DENND4A: variants seen among roughly 807,000 people sequenced by gnomAD.
DENND4A encodes DENN domain containing 4A, also known as C-myc promoter-binding protein.
A neutral mutation model predicts 199.3 loss-of-function variants in DENND4A; 70 were observed. That is an observed-to-expected ratio of 0.35 (90% CI 0.29 to 0.43). The LOEUF (loss-of-function observed/expected upper bound fraction) is 0.43. Among genes scored for constraint, DENND4A ranks in the 20% least tolerant of loss-of-function variants. The probability of loss-of-function intolerance (pLI) is 1.00; values close to 1 mark genes in which losing one functional copy is unlikely to be tolerated. For synonymous variants in DENND4A, 686 were observed against 766.9 expected (o/e 0.89, Z 1.74); for missense variants, 1,723 against 2,255.8 (o/e 0.76, Z 4.78).
chr15:65,689,923 T>C (rs1235875404), intron 23 of DENND4A, among the ~76,000 whole-genome samples: 1 of 152,200 alleles, frequency 6.6e-6, no homozygotes. Flanking sequence ...TCTAGAATCC[T>C]GCCTCTCTGC....
chr15:65,703,332 A>C (rs995700624), intron 15 of DENND4A, among the ~76,000 whole-genome samples: 1 of 152,266 alleles, frequency 6.6e-6, no homozygotes, highest in African/African-American at 2.4e-5. Context: ...CATAGCAAAC[A>C]TATTAGATAA....
chr15:65,786,053 T>C (rs2077558775), intron 1 of DENND4A, among the ~76,000 whole-genome samples: 1 of 152,156 alleles, frequency 6.6e-6, no homozygotes, highest in Non-Finnish European at 1.5e-5. Flanking sequence ...GGGAAAAATA[T>C]TTATATCCTA....
chr15:65,754,853 T>C (rs776113190), intron 3 of DENND4A, among the ~76,000 whole-genome samples: 57 of 152,334 alleles, frequency 3.7e-4, no homozygotes, highest in South Asian at 1.7e-3. Flanking sequence ...TGGCAGTTCC[T>C]TAAAAGATTG....
intron 15 of DENND4A, among the ~76,000 whole-genome samples, chr15:65,704,047 A>G (rs2074964353): frequency 6.6e-6 from 1 of 152,240 alleles, no homozygotes; most frequent in East Asian, 1.9e-4. Flanking sequence ...GTCAAATTCC[A>G]TAGAATAAGA....
chr15:65,668,196 C>T, intron 27 of DENND4A, 73 bp from the exon 28 acceptor site: 3 of 932,144 alleles, frequency 3.2e-6, no homozygotes, highest in Admixed American at 3.5e-5. Context: ...GGATCATGTT[C>T]TCTCTCTCTC....
chr15:65,686,268 T>A (rs1403055788), intron 23 of DENND4A, among the ~76,000 whole-genome samples: 3 of 152,222 alleles, frequency 2.0e-5, no homozygotes, highest in Admixed American at 6.5e-5. Flanking sequence ...TGAGGTTTTT[T>A]AAATAGCCAA....
Position 65,667,303 on chromosome 15 carries a change from C to G in DENND4A, c.5241+146G>C, listed in dbSNP as rs945220929. On this transcript the variant is annotated intron_variant, in intron 29 of 32. Transcript: ENST00000443035. ...CGAGATAGTGCCACTGCACTCCAGC[C>G]TGGCGAAAGAGTGAGACTACGTCTC... 6.8e-5 allele frequency: 67 copies of G among 984,288 alleles called. 1 individual carries two copies. Among genetic ancestry groups the G allele is most frequent in the Non-Finnish European group, 9.1e-5 (63 of 691,940 alleles). 61.0% of individuals were successfully genotyped at this position (984,288 alleles called of 1,614,324 possible).
intron 1 of DENND4A, among the ~76,000 whole-genome samples, chr15:65,788,854 TA>T (rs34831088): frequency 0.41 from 42,174 of 102,290 alleles, 8,201 homozygotes; most frequent in East Asian, 0.72. Context: ...GGACTTGTCT[TA>T]AAAAAAAAAA....
rs568686533 is a variant in DENND4A, at chr15:65,725,181, T to C, written c.1488-2233A>G. On this transcript the variant is annotated intron_variant, in intron 11 of 32. Coordinates refer to ENST00000443035, the MANE Select transcript of DENND4A (RefSeq NM_001320835.1). The stretch of plus-strand genomic sequence containing the variant: ...TTATGAGTAAATGTATATTTACTCA[T>C]GATGACTTCCACTTACAAGATTACT... Among the ~76,000 whole-genome samples, 43 of 152,334 alleles carry C rather than the reference T, an allele frequency of 2.8e-4. No homozygotes were observed. The South Asian group carries it at 8.9e-3, about 32-fold the overall frequency.
chr15:65,726,944 C>T (rs993026015), intron 11 of DENND4A, among the ~76,000 whole-genome samples: 5 of 151,768 alleles, frequency 3.3e-5, no homozygotes, highest in African/African-American at 9.7e-5. Flanking sequence ...GGCAACAGAA[C>T]GAGACATTGT....
At chr15:65,676,393 T>A in intron 24 of DENND4A, 52 bp downstream of exon 24, 1 of 1,377,286 alleles carries the variant, frequency 7.3e-7, no homozygotes, top group Non-Finnish European at 9.7e-7. Flanking sequence ...AGTGTCACAA[T>A]TCAAATGAAA....
At chr15:65,700,442 A>G in intron 20 of DENND4A, 102 bp downstream of exon 20, 1 of 559,496 alleles carries the variant, frequency 1.8e-6, no homozygotes, top group Non-Finnish European at 2.7e-6. Context: ...TTAAAAAGTG[A>G]CAGTTAAACA....
chr15:65,697,462 G>C (rs980855230), intron 20 of DENND4A, 79 bp from the exon 21 acceptor site: 2 of 838,944 alleles, frequency 2.4e-6, no homozygotes, highest in African/African-American at 3.5e-5. Context: ...CAACATACTA[G>C]TGTTTGGATT....
intron 6 of DENND4A, among the ~76,000 whole-genome samples, 187 bp from the exon 7 acceptor site, chr15:65,738,132 T>C (rs1314921722): frequency 6.6e-6 from 1 of 152,196 alleles, no homozygotes; most frequent in African/African-American, 2.4e-5. Flanking sequence ...GCTATTCTCA[T>C]GTTACCTTAC....
Position 65,771,709 on chromosome 15 carries a change from C to T in DENND4A, c.-101-10271G>A, listed in dbSNP as rs1001016257. ...ATCCACCCCCAAAAAATATATTAAACAAGTCTTCTGGAGTTATATCAACTT... is the reference window on the plus strand; with the variant it reads ...ATCCACCCCCAAAAAATATATTAAATAAGTCTTCTGGAGTTATATCAACTT... On this transcript the variant is annotated intron_variant, in intron 1 of 32. Coordinates refer to ENST00000443035, the MANE Select transcript of DENND4A (RefSeq NM_001320835.1). 6 of 1,610,092 alleles carry T rather than the reference C, an allele frequency of 3.7e-6. No homozygotes were observed. The South Asian group carries it at 4.4e-5, about 12-fold the overall frequency.
chr15:65,729,361 T>C (rs1457255967), intron 10 of DENND4A, 114 bp from the exon 11 acceptor site: 17 of 1,377,656 alleles, frequency 1.2e-5, no homozygotes, highest in Non-Finnish European at 1.7e-5. Flanking sequence ...TGCCTGATAA[T>C]GAATGAAATA....
At chr15:65,684,888 G>A (rs1293204371) in intron 23 of DENND4A, among the ~76,000 whole-genome samples, 2 of 146,824 alleles carry the variant, frequency 1.4e-5, no homozygotes, top group Non-Finnish European at 3.0e-5. Context: ...GCAATGGCGC[G>A]ATCTTGGCTC....
intron 12 of DENND4A, among the ~76,000 whole-genome samples, chr15:65,718,885 T>G (rs2075510630): frequency 6.8e-6 from 1 of 147,380 alleles, no homozygotes; most frequent in South Asian, 2.3e-4. Flanking sequence ...GCTCCAGAGA[T>G]TCTCCTGCCT....
rs554243996 is a variant in DENND4A, at chr15:65,756,438, T to C, written c.13A>G (p.Lys5Glu). The C allele has an allele frequency of 1.9e-5, 31 of 1,606,576 alleles. No individual in the cohort carries two copies. The East Asian group carries it at 2.9e-4, about 15-fold the overall frequency. ...AAGTAGTCAGCAACACGAGGCCCCT[T>C]GTCTTCAATCATCTTCCATTACAGA... MIEDKGPRVADYFVV... is the reference protein window; with the variant it reads MIEDEGPRVADYFVV... The change falls in exon 3 of 33, where the codon AAG becomes GAG. Residue 5 changes from lysine (K) to glutamate (E), a missense_variant. By Grantham distance (56) the Lys-to-Glu change is moderately conservative. Around this residue, in one of 6 missense-constraint regions of DENND4A, gnomAD observed 725 missense variants for 952.9 expected, o/e 0.76. Transcript: ENST00000443035.
Sources: gnomAD v4.1 joint callset for allele counts (sites outside exome capture counted in the v4.1 genomes callset) on GRCh38, gnomAD v4.1.1 for gene constraint, gnomAD v4.1.1 regional missense constraint, MANE v1.5 for transcripts, NCBI Gene and HGNC (gene_info 2026-07-23, HGNC 2026-07-21) for gene names.